RAD54L2: variants seen among roughly 807,000 people sequenced by gnomAD.
RAD54L2 encodes helicase ARIP4.
In RAD54L2, 27 loss-of-function variants were observed where a neutral mutation model predicts 138.4. That is an observed-to-expected ratio of 0.20 (90% confidence interval 0.14 to 0.27). RAD54L2 has a LOEUF of 0.27. Ranked by LOEUF, RAD54L2 falls within the 10% of genes least tolerant of loss-of-function variation. RAD54L2 has a pLI of 1.00. For missense variants in RAD54L2, 1,396 were observed against 1,890.2 expected (o/e 0.74, Z 4.85); for synonymous variants, 644 against 723.2 (o/e 0.89, Z 1.76).
rs759956947 is a variant in RAD54L2, at chr3:51,663,259, A to G, written c.4243A>G (p.Ile1415Val). ...LPSNLSRGMS[I>V]YPGYMSPHAG... ...CAGCAACCTTTCGCGGGGCATGTCT[A>G]TCTATCCAGGCTACATGTCCCCACA... is the stretch of plus-strand genomic sequence containing the variant. Residue 1415 changes from isoleucine (I) to valine (V), a missense_variant, in exon 23 of 23, where the codon ATC becomes GTC. Physicochemically the swap from Ile to Val is conservative, Grantham distance 29. Transcript: ENST00000684192. The G allele has an allele frequency of 1.7e-5, 28 of 1,613,716 alleles. No homozygotes were observed. The African/African-American group carries it at 1.7e-4, about 10-fold the overall frequency.
At chr3:51,556,958 C>T (rs1698984002) in intron 2 of RAD54L2, among the ~76,000 whole-genome samples, 1 of 152,082 alleles carries the variant, frequency 6.6e-6, no homozygotes, top group African/African-American at 2.4e-5. Flanking sequence ...TCCTAGTTGC[C>T]TGGACCAAAG....
At chr3:51,552,531 G>A (rs1460530155) in intron 2 of RAD54L2, among the ~76,000 whole-genome samples, 3 of 150,384 alleles carry the variant, frequency 2.0e-5, no homozygotes, top group Admixed American at 2.0e-4. Flanking sequence ...CAAAGTGTTG[G>A]GATTACAGGT....
chr3:51,631,415 G>A (rs1379961982), intron 7 of RAD54L2, among the ~76,000 whole-genome samples: 1 of 148,352 alleles, frequency 6.7e-6, no homozygotes, highest in African/African-American at 2.5e-5. Context: ...TTACGATTAA[G>A]AACTCTTTTT....
intron 2 of RAD54L2, among the ~76,000 whole-genome samples, chr3:51,555,151 C>T (rs1302743479): frequency 6.6e-6 from 1 of 152,114 alleles, no homozygotes; most frequent in Non-Finnish European, 1.5e-5. Context: ...CCAGACACTC[C>T]TTTCTATTGA....
In RAD54L2 at chr3:51,646,390, T is replaced by A; in HGVS notation, c.2935T>A (p.Ser979Thr). The change falls in exon 19 of 23, where the codon TCA becomes ACA. Residue 979 changes from serine (S) to threonine (T), a missense_variant. Physicochemically the swap from Ser to Thr is moderately conservative, Grantham distance 58. Around this residue, in one of 7 missense-constraint regions of RAD54L2, gnomAD observed 634 missense variants for 711.2 expected, o/e 0.89. Transcript: ENST00000684192. The part of the protein sequence containing the change: ...KKSYEEDKRT[S>T]VPYTRPSYAQ... ...AAGCTATGAGGAAGACAAACGCACA[T>A]CAGTCCCCTATACCCGCCCATCGTA... The A allele has an allele frequency of 1.2e-6, 2 of 1,613,774 alleles. No homozygotes were observed. Among genetic ancestry groups the A allele is most frequent in the Non-Finnish European group, 1.7e-6 (2 of 1,179,842 alleles).
intron 2 of RAD54L2, among the ~76,000 whole-genome samples, chr3:51,549,033 C>G (rs1408573914): frequency 6.6e-6 from 1 of 152,008 alleles, no homozygotes; most frequent in Non-Finnish European, 1.5e-5. Context: ...TGCTCAGCTG[C>G]CCAGGCTGGA....
At chr3:51,640,618 G>A (rs1439939185) in intron 14 of RAD54L2, among the ~76,000 whole-genome samples, 1 of 152,230 alleles carries the variant, frequency 6.6e-6, no homozygotes, top group African/African-American at 2.4e-5. Context: ...GAGCCTCAGA[G>A]TGAGGGCTTC....
intron 3 of RAD54L2, among the ~76,000 whole-genome samples, chr3:51,622,855 T>C (rs374793157): frequency 1.1e-4 from 16 of 152,206 alleles, no homozygotes; most frequent in African/African-American, 3.4e-4. Context: ...AGGTCCTTCT[T>C]GTTGCTGCTT....
chr3:51,642,072 T>C (rs1701151875), intron 15 of RAD54L2, among the ~76,000 whole-genome samples: 1 of 152,176 alleles, frequency 6.6e-6, no homozygotes, highest in Non-Finnish European at 1.5e-5. Flanking sequence ...TGGGAGAGTG[T>C]AGAGAAATAG....
chr3:51,614,162 C>CTT (rs75455053), intron 3 of RAD54L2, among the ~76,000 whole-genome samples: 1 of 145,418 alleles, frequency 6.9e-6, no homozygotes. Flanking sequence ...TGTTCTGTTT[C>CTT]TTTTTTTTTT....
In RAD54L2 at chr3:51,666,585, G is replaced by T. The variant is rs1701917281; in HGVS notation, c.*3165G>T. ...TAATGATTGAGGTTTACCATTTATAGTGATGCTTGATTTCCTTTTCTTAAT... is the reference window on the plus strand; with the variant it reads ...TAATGATTGAGGTTTACCATTTATATTGATGCTTGATTTCCTTTTCTTAAT... On this transcript the variant is annotated 3_prime_UTR_variant, in exon 23 of 23. Transcript: ENST00000684192. The T allele has an allele frequency of 6.6e-6, 1 of 152,220 alleles. No individual in the cohort carries two copies. The highest frequency in any genetic ancestry group is 6.5e-5 in the Admixed American group (1 of 15,280). The allele number at this position is 152,220 out of a possible 1,614,324, so 9.4% of individuals were successfully genotyped here.
At chr3:51,578,841 G>A (rs533017130) in intron 2 of RAD54L2, among the ~76,000 whole-genome samples, 3 of 152,252 alleles carry the variant, frequency 2.0e-5, no homozygotes, top group African/African-American at 7.2e-5. Context: ...TGGAGGGTCC[G>A]TGTGACAGCC....
chr3:51,649,554 C>T (rs1423736013), intron 19 of RAD54L2, among the ~76,000 whole-genome samples: 10 of 152,218 alleles, frequency 6.6e-5, no homozygotes, highest in East Asian at 5.8e-4. Flanking sequence ...AGAGAAAGGT[C>T]GGGTTACCCA....
chr3:51,644,283 A>G (rs1468745896), intron 16 of RAD54L2, among the ~76,000 whole-genome samples: 1 of 152,086 alleles, frequency 6.6e-6, no homozygotes, highest in Non-Finnish European at 1.5e-5. Context: ...TGTCTGTACA[A>G]AAAATCAAAC....
chr3:51,634,744 C>G (rs1700941373), intron 9 of RAD54L2, among the ~76,000 whole-genome samples: 1 of 152,210 alleles, frequency 6.6e-6, no homozygotes, highest in African/African-American at 2.4e-5. Flanking sequence ...CTTTTAAGCA[C>G]TGGTCTGCAA....
chr3:51,647,389 T>G (rs1701307752), intron 19 of RAD54L2, among the ~76,000 whole-genome samples: 1 of 152,104 alleles, frequency 6.6e-6, no homozygotes, highest in Non-Finnish European at 1.5e-5. Context: ...CTTTTTTGGC[T>G]GGGCACAGTG....
At chr3:51,654,454 G>C (rs1701543299) in intron 19 of RAD54L2, among the ~76,000 whole-genome samples, 1 of 152,210 alleles carries the variant, frequency 6.6e-6, no homozygotes, top group Admixed American at 6.5e-5. Context: ...TTGGGAGGCT[G>C]AGGTGGGAGA....
At position 51,608,772 on chromosome 3, in the gene RAD54L2, G is replaced by A. The variant is rs559493688; in HGVS notation, c.139+18213G>A. On this transcript the variant is annotated intron_variant, in intron 3 of 22. Coordinates refer to ENST00000684192, the MANE Select transcript of RAD54L2 (RefSeq NM_015106.4). Reference sequence around the variant, plus strand: ...GGAGGTTGCAGTGTGCCGAGATGACGGCAGTACAGTCCAGCCTCGGCTCGG... The same window carrying A: ...GGAGGTTGCAGTGTGCCGAGATGACAGCAGTACAGTCCAGCCTCGGCTCGG... Among the ~76,000 whole-genome samples the A allele has an allele frequency of 3.0e-3, 453 of 152,332 alleles. 3 individuals are homozygous for A. Among genetic ancestry groups the A allele is most frequent in the Non-Finnish European group, 4.7e-3 (321 of 68,020 alleles).
At chr3:51,544,150 A>AT (rs1338111132) in intron 2 of RAD54L2, among the ~76,000 whole-genome samples, 1 of 152,092 alleles carries the variant, frequency 6.6e-6, no homozygotes, top group Non-Finnish European at 1.5e-5. Flanking sequence ...GCACCTGACC[A>AT]TTTCTGGCAC....
Sources: gnomAD v4.1 joint callset for allele counts (sites outside exome capture counted in the v4.1 genomes callset) on GRCh38, gnomAD v4.1.1 for gene constraint, gnomAD v4.1.1 regional missense constraint, MANE v1.5 for transcripts, NCBI Gene and HGNC (gene_info 2026-07-23, HGNC 2026-07-21) for gene names.